The following HYDIN variants were observed in gnomAD, a reference collection of about 807,000 sequenced individuals.
HYDIN encodes the protein axonemal central pair apparatus protein HYDIN.
Under a neutral mutation model 403.9 loss-of-function variants are expected in HYDIN, and 132 were observed. The ratio of observed to expected loss-of-function variants is 0.33; its 90% CI spans 0.28 to 0.38. HYDIN has a LOEUF of 0.38. HYDIN is among the 10% of genes least tolerant of loss of function. The pLI, the probability that HYDIN is intolerant of heterozygous loss-of-function variation, is 1.00. For synonymous variants in HYDIN, 1,202 were observed against 1,891.7 expected, an observed-to-expected ratio of 0.64 and a Z score of 9.46; for missense variants, 2,827 against 5,009.5, an observed-to-expected ratio of 0.56 and a Z score of 13.15.
intron 45 of HYDIN, among the ~76,000 whole-genome samples, chr16:70,922,323 G>A (rs1413040945): frequency 1.3e-5 from 2 of 152,266 alleles, no homozygotes; most frequent in Non-Finnish European, 2.9e-5. Context: ...GTGAGGGAAG[G>A]ACTTGTACTT....
intron 47 of HYDIN, among the ~76,000 whole-genome samples, chr16:70,917,947 TGG>T (rs2076890825): frequency 6.6e-6 from 1 of 152,054 alleles, no homozygotes; most frequent in African/African-American, 2.4e-5. Context: ...AACCCTCCAA[TGG>T]GGACTGCAAA....
chr16:71,042,459 T>C (rs551943597), intron 18 of HYDIN, among the ~76,000 whole-genome samples: 4 of 148,298 alleles, frequency 2.7e-5, no homozygotes, highest in African/African-American at 1.0e-4. Flanking sequence ...ACTCTCCATG[T>C]CTCTCTCTCT....
chr16:71,098,741 A>T (rs11641751), intron 10 of HYDIN, among the ~76,000 whole-genome samples: 1 of 150,804 alleles, frequency 6.6e-6, no homozygotes, highest in Non-Finnish European at 1.5e-5. Flanking sequence ...CTTAAAAAAA[A>T]AAAAAAAAAA....
At chr16:71,029,685 T>C (rs2080836692) in intron 19 of HYDIN, among the ~76,000 whole-genome samples, 1 of 142,770 alleles carries the variant, frequency 7.0e-6, no homozygotes. Flanking sequence ...TATAATTGGA[T>C]ACTTGTCTAA....
rs114703892 is a variant in HYDIN, at chr16:71,203,209, G to C, written c.-23-16291C>G. On this transcript the variant is annotated intron_variant, in intron 1 of 85. Transcript: ENST00000393567. ...ATACAAGTGAATCATAGCAGACATT[G>C]AGAGCAGTTCCAAACTTTGAGACCC... Among the ~76,000 whole-genome samples the C allele has an allele frequency of 3.5e-3, 536 of 152,306 alleles. 6 individuals carry two copies. The highest frequency in any genetic ancestry group is 0.012 in the African/African-American group (503 of 41,572).
At chr16:70,835,067 G>A (rs536869368) in intron 78 of HYDIN, among the ~76,000 whole-genome samples, 1 of 144,426 alleles carries the variant, frequency 6.9e-6, no homozygotes, top group South Asian at 2.2e-4. Context: ...GTGCGATCTC[G>A]ACTCACTGCA....
At chr16:71,137,054 TA>T in intron 8 of HYDIN, 96 bp downstream of exon 8, 2 of 863,404 alleles carry the variant, frequency 2.3e-6, no homozygotes, top group Non-Finnish European at 3.7e-6. Context: ...TTGAGTTGGC[TA>T]AAAATGTAGT....
At chr16:70,895,767 A>G (rs2076182838) in intron 54 of HYDIN, among the ~76,000 whole-genome samples, 1 of 152,000 alleles carries the variant, frequency 6.6e-6, no homozygotes, top group African/African-American at 2.4e-5. Context: ...CAAATTTTAC[A>G]CCTATGACCA....
At chr16:71,166,886 C>T (rs1377870526) in intron 5 of HYDIN, among the ~76,000 whole-genome samples, 1 of 151,234 alleles carries the variant, frequency 6.6e-6, no homozygotes, top group African/African-American at 2.4e-5. Flanking sequence ...ACCAGCCTGG[C>T]CAACATGGCA....
intron 52 of HYDIN, among the ~76,000 whole-genome samples, chr16:70,903,413 G>A (rs2076448135): frequency 8.4e-6 from 1 of 118,496 alleles, no homozygotes; most frequent in Non-Finnish European, 1.7e-5. Context: ...TGGCCCTGCT[G>A]AAGTTCATCC....
At chr16:70,866,543 T>C (rs2039763303) in intron 66 of HYDIN, among the ~76,000 whole-genome samples, 1 of 151,958 alleles carries the variant, frequency 6.6e-6, no homozygotes, top group Non-Finnish European at 1.5e-5. Flanking sequence ...AAATATGAAA[T>C]TGGATCCTTG....
At chr16:70,841,912 T>C (rs1166722624) in intron 75 of HYDIN, among the ~76,000 whole-genome samples, 8 of 150,140 alleles carry the variant, frequency 5.3e-5, no homozygotes, top group Non-Finnish European at 8.8e-5. Flanking sequence ...TATTCTGTTA[T>C]AGAAGCACAA....
intron 29 of HYDIN, among the ~76,000 whole-genome samples, chr16:70,980,554 TTA>T (rs372055591): frequency 7.5e-5 from 11 of 146,966 alleles, no homozygotes; most frequent in South Asian, 2.1e-4. Flanking sequence ...TAAATATAAA[TTA>T]TATATATATA....
chr16:71,020,070 T>C, intron 22 of HYDIN, 104 bp downstream of exon 22: 2 of 945,620 alleles, frequency 2.1e-6, no homozygotes, highest in Non-Finnish European at 3.1e-6. Context: ...ATCCTTTACA[T>C]CTTTCTGAGC....
intron 1 of HYDIN, among the ~76,000 whole-genome samples, chr16:71,216,889 T>A (rs1019126687): frequency 4.6e-5 from 7 of 152,144 alleles, no homozygotes; most frequent in Admixed American, 4.6e-4. Context: ...GGTTAAGGCA[T>A]TTGCCCTGTG....
intron 44 of HYDIN, 52 bp downstream of exon 44, chr16:70,938,561 TG>T: frequency 8.1e-7 from 1 of 1,229,068 alleles, no homozygotes; most frequent in South Asian, 1.3e-5. Context: ...GGTCACTCTG[TG>T]GGGACGGTCC....
intron 1 of HYDIN, among the ~76,000 whole-genome samples, chr16:71,229,677 G>GA (rs2041193441): frequency 6.6e-6 from 1 of 152,184 alleles, no homozygotes; most frequent in Non-Finnish European, 1.5e-5. Context: ...TCATTTATGT[G>GA]ACATTCTGGA....
At chr16:70,933,028 A>G (rs2143853002) in intron 45 of HYDIN, among the ~76,000 whole-genome samples, 1 of 151,948 alleles carries the variant, frequency 6.6e-6, no homozygotes, top group East Asian at 1.9e-4. Flanking sequence ...ACAAGCAAGA[A>G]AAACAGAAAA....
At chr16:71,215,227 G>A (rs772904876) in intron 1 of HYDIN, among the ~76,000 whole-genome samples, 1 of 151,972 alleles carries the variant, frequency 6.6e-6, no homozygotes, top group East Asian at 1.9e-4. Flanking sequence ...GGGAGGAAGG[G>A]AGAAAGGGAG....
Sources: allele counts gnomAD v4.1 joint callset (sites outside exome capture counted in the v4.1 genomes callset), GRCh38; gene constraint gnomAD v4.1.1; transcripts MANE v1.5; gene names NCBI Gene and HGNC (gene_info 2026-07-23, HGNC 2026-07-21).